The following PALD1 variants were observed in gnomAD, a reference collection of about 807,000 sequenced individuals.
PALD1 encodes paladin.
PALD1 carries 57 observed loss-of-function variants against 96.0 expected under a neutral mutation model. The observed-to-expected ratio is 0.59, with a 90% CI of 0.48 to 0.74. PALD1 has a LOEUF of 0.74. PALD1 is among the 30% of genes least tolerant of loss of function. PALD1 has a pLI of 0.00. For missense variants in PALD1, 1,063 were observed against 1,143.7 expected (o/e 0.93, Z 1.02); for synonymous variants, 464 against 473.6 (o/e 0.98, Z 0.26).
At chr10:70,497,733 A>ATT (rs1168217505) in intron 1 of PALD1, among the ~76,000 whole-genome samples, 8 of 150,728 alleles carry the variant, frequency 5.3e-5, no homozygotes, top group South Asian at 2.1e-4. Context: ...TGCCTGGCTA[A>ATT]TTTGTGTGTG....
chr10:70,551,510 C>A (rs1274987843), intron 18 of PALD1, among the ~76,000 whole-genome samples: 3 of 152,196 alleles, frequency 2.0e-5, no homozygotes, highest in African/African-American at 4.8e-5. Flanking sequence ...TTTGGCCCAT[C>A]TGAAGTTTTC....
intron 1 of PALD1, among the ~76,000 whole-genome samples, chr10:70,513,435 G>A (rs1182962785): frequency 5.3e-5 from 8 of 152,142 alleles, no homozygotes; most frequent in Non-Finnish European, 8.8e-5. Context: ...GCTTGAATCC[G>A]GGAGGCGGAG....
chr10:70,540,767 GTGCAGCC>G lies in PALD1; in HGVS notation c.1909-334_1909-328del. 6.6e-6 allele frequency among the ~76,000 whole-genome samples: 1 copy of G among 152,192 alleles called. No individual in the cohort carries two copies. The highest frequency in any genetic ancestry group is 2.4e-5 in the African/African-American group (1 of 41,440). ...GTGGGTGGCAGGGCCAGCAGTCTATGTGCAGCCCAGGGGCGCAGTACACAGGGGTGAC... is the reference window on the plus strand; with the variant it reads ...GTGGGTGGCAGGGCCAGCAGTCTATGCAGGGGCGCAGTACACAGGGGTGAC... On this transcript the variant is annotated intron_variant, in intron 15 of 19. Coordinates refer to ENST00000263563, the MANE Select transcript of PALD1 (RefSeq NM_014431.3). This position sits in a 1 kb window ranked among gnomAD's most constrained non-coding sequence, Gnocchi z 4.2.
the PALD1 span, among the ~76,000 whole-genome samples, chr10:70,470,864 C>T: frequency 6.0e-5 from 9 of 150,924 alleles, no homozygotes; most frequent in African/African-American, 1.5e-4. Flanking sequence ...TGCAATGACA[C>T]GATCTCGGCT....
intron 7 of PALD1, among the ~76,000 whole-genome samples, chr10:70,533,502 T>G (rs944568211): frequency 1.3e-5 from 2 of 152,166 alleles, no homozygotes; most frequent in African/African-American, 4.8e-5. Flanking sequence ...TGCTGTGTGG[T>G]CCCGGACTAA....
chr10:70,490,871 G>A (rs1846086110), intron 1 of PALD1, among the ~76,000 whole-genome samples: 2 of 152,206 alleles, frequency 1.3e-5, no homozygotes, highest in African/African-American at 4.8e-5. Flanking sequence ...GGTATTGCCC[G>A]ATACTCGGAA....
Position 70,534,131 on chromosome 10 carries a change from T to A in PALD1, c.1022+58T>A, listed in dbSNP as rs374832564. 1.0e-5 allele frequency: 15 copies of A among 1,466,758 alleles called. No individual in the cohort carries two copies. The East Asian group carries it at 3.7e-4, about 36-fold the overall frequency. 90.9% of individuals were successfully genotyped at this position (1,466,758 alleles called of 1,614,324 possible). A position where few individuals can be genotyped will look rare whatever the true frequency, so the allele number is the denominator to read the frequency against. ...CTGTGGGGCCGAGGAGGGGACAGGCTGCCCCACAGTGTGGGGACATGTCTA... is the reference window on the plus strand; with the variant it reads ...CTGTGGGGCCGAGGAGGGGACAGGCAGCCCCACAGTGTGGGGACATGTCTA... On this transcript the variant is annotated intron_variant, in intron 8 of 19. Transcript: ENST00000263563.
At chr10:70,467,533 G>A in the PALD1 span, among the ~76,000 whole-genome samples, 1 of 152,170 alleles carries the variant, frequency 6.6e-6, no homozygotes, top group Admixed American at 6.5e-5. Flanking sequence ...CGCACAGTTC[G>A]CGGGGAAGCG....
intron 1 of PALD1, among the ~76,000 whole-genome samples, chr10:70,486,688 G>A (rs1378626817): frequency 1.3e-5 from 2 of 152,170 alleles, no homozygotes; most frequent in Non-Finnish European, 2.9e-5. Context: ...TTGAACCCAG[G>A]AGGCAGAGGT....
At chr10:70,546,639 A>G (rs535774346) in intron 17 of PALD1, among the ~76,000 whole-genome samples, 1 of 152,330 alleles carries the variant, frequency 6.6e-6, no homozygotes, top group South Asian at 2.1e-4. Flanking sequence ...GGTACTTAAT[A>G]TCTTCTTAAA....
At chr10:70,561,232 C>T (rs1187851854) in intron 18 of PALD1, among the ~76,000 whole-genome samples, 5 of 152,248 alleles carry the variant, frequency 3.3e-5, no homozygotes, top group Non-Finnish European at 7.3e-5. Context: ...CGTGCTGGTG[C>T]GGTCGTGTCC....
intron 18 of PALD1, among the ~76,000 whole-genome samples, chr10:70,560,450 CCA>C (rs1847715373): frequency 6.6e-6 from 1 of 151,976 alleles, no homozygotes. Context: ...AACAAACAAA[CCA>C]AAAACAACCT....
intron 18 of PALD1, among the ~76,000 whole-genome samples, chr10:70,560,790 T>A (rs569200391): frequency 6.6e-6 from 1 of 152,140 alleles, no homozygotes; most frequent in East Asian, 1.9e-4. Flanking sequence ...CCTGGCCCTC[T>A]TCTATTTTAG....
chr10:70,518,372 C>T (rs186483706), intron 1 of PALD1, among the ~76,000 whole-genome samples: 5 of 152,192 alleles, frequency 3.3e-5, no homozygotes, highest in East Asian at 1.9e-4. Context: ...GTGGAATTGC[C>T]GGGTCATATG....
chr10:70,548,249 G>A (rs1042147266), intron 18 of PALD1, among the ~76,000 whole-genome samples: 9 of 152,054 alleles, frequency 5.9e-5, no homozygotes, highest in Non-Finnish European at 1.2e-4. Flanking sequence ...AGGTTGCGGT[G>A]AGCCAAGATC....
rs1449705400 is a variant in PALD1, at chr10:70,526,020, C to T, written c.69C>T (p.Gly23=). The change falls in exon 2 of 20, where the codon GGC becomes GGT. Residue 23 remains glycine, a synonymous_variant. Transcript: ENST00000263563. The part of the protein sequence containing the change: ...SAGTPFEGLQ[G]SGTMDSRHSV... ...GCACCCCATTTGAGGGCCTACAGGG[C>T]AGTGGCACGATGGACAGTCGGCACT... 3.1e-6 allele frequency: 5 copies of T among 1,614,068 alleles called. No individual in the cohort carries two copies. Among genetic ancestry groups the T allele is most frequent in the Non-Finnish European group, 4.2e-6 (5 of 1,180,036 alleles).
chr10:70,544,518 C>T (rs1040999770), intron 17 of PALD1, among the ~76,000 whole-genome samples: 3 of 151,932 alleles, frequency 2.0e-5, no homozygotes, highest in Non-Finnish European at 4.4e-5. Flanking sequence ...TGAGGAGGGG[C>T]TGCAGGGTGA....
At chr10:70,529,757 T>G in intron 3 of PALD1, 132 bp from the exon 4 acceptor site, 2 of 694,528 alleles carry the variant, frequency 2.9e-6, no homozygotes, top group East Asian at 5.7e-5. Context: ...TGCAGGCAAC[T>G]TGAGGGCAGG....
intron 1 of PALD1, among the ~76,000 whole-genome samples, chr10:70,495,394 C>T (rs1048557275): frequency 6.7e-6 from 1 of 148,696 alleles, no homozygotes; most frequent in Non-Finnish European, 1.5e-5. Flanking sequence ...CGGGTCTGTG[C>T]CTGTCTGGTT....
Sources: allele counts gnomAD v4.1 joint callset (sites outside exome capture counted in the v4.1 genomes callset), GRCh38; gene constraint gnomAD v4.1.1; non-coding constraint Gnocchi (gnomAD v3.1); transcripts MANE v1.5; gene names NCBI Gene and HGNC (gene_info 2026-07-23, HGNC 2026-07-21).